The following PLEKHA7 variants were observed in gnomAD, a reference collection of about 807,000 sequenced individuals.
PLEKHA7 encodes the protein pleckstrin homology domain-containing family A member 7.
Under a neutral mutation model 170.0 loss-of-function variants are expected in PLEKHA7, and 104 were observed. That is an observed-to-expected ratio of 0.61 (90% confidence interval 0.52 to 0.72). The LOEUF is 0.72. Among genes scored for constraint, PLEKHA7 ranks in the 30% least tolerant of loss-of-function variants. PLEKHA7 has a pLI of 0.00. For missense variants in PLEKHA7, 1,615 were observed against 1,671.7 expected, an observed-to-expected ratio of 0.97 and a Z score of 0.59; for synonymous variants, 648 against 660.8, an observed-to-expected ratio of 0.98 and a Z score of 0.30.
chr11:16,907,130 C>G (rs1268677605), intron 3 of PLEKHA7, among the ~76,000 whole-genome samples: 1 of 89,708 alleles, frequency 1.1e-5, no homozygotes, highest in Non-Finnish European at 2.3e-5. Context: ...CAGCCCCCCG[C>G]CCGGCCAGCC....
intron 9 of PLEKHA7, among the ~76,000 whole-genome samples, chr11:16,830,152 ATT>A (rs61589645): frequency 1.4e-5 from 2 of 147,154 alleles, no homozygotes; most frequent in African/African-American, 5.0e-5. Context: ...CTAATTTTTA[ATT>A]TTTTTTTTTT....
At chr11:16,862,178 C>T (rs1313965916) in intron 4 of PLEKHA7, among the ~76,000 whole-genome samples, 3 of 152,170 alleles carry the variant, frequency 2.0e-5, no homozygotes, top group South Asian at 2.1e-4. Context: ...TTCTTGAACA[C>T]AGGCTGCAGT....
intron 10 of PLEKHA7, among the ~76,000 whole-genome samples, chr11:16,821,151 T>G (rs933906930): frequency 6.6e-6 from 1 of 152,206 alleles, no homozygotes; most frequent in Non-Finnish European, 1.5e-5. Flanking sequence ...GAAATGGTCA[T>G]GTGGAGATGC....
At chr11:16,802,005 C>T (rs1055895215) in intron 15 of PLEKHA7, among the ~76,000 whole-genome samples, 188 bp from the exon 16 acceptor site, 1 of 152,244 alleles carries the variant, frequency 6.6e-6, no homozygotes, top group East Asian at 1.9e-4. Context: ...GGGGAAAGTA[C>T]CTAACAGCTC....
intron 26 of PLEKHA7, among the ~76,000 whole-genome samples, chr11:16,780,456 T>C (rs1162264909): frequency 3.9e-5 from 6 of 152,248 alleles, no homozygotes; most frequent in Non-Finnish European, 5.9e-5. Context: ...CACCAATTCT[T>C]TGTGACCTGG....
At chr11:16,866,310 G>T (rs1206853185) in intron 4 of PLEKHA7, among the ~76,000 whole-genome samples, 2 of 152,094 alleles carry the variant, frequency 1.3e-5, no homozygotes, top group Non-Finnish European at 2.9e-5. Flanking sequence ...GGGCAGAGCA[G>T]GCTGGGCACA....
intron 3 of PLEKHA7, among the ~76,000 whole-genome samples, chr11:16,960,379 A>G (rs1021918608): frequency 1.3e-5 from 2 of 152,202 alleles, no homozygotes; most frequent in Non-Finnish European, 2.9e-5. Context: ...GAGATAAGCC[A>G]TCTAGATTCC....
chr11:16,863,628 G>A (rs425325), intron 4 of PLEKHA7, among the ~76,000 whole-genome samples: 13,651 of 152,192 alleles, frequency 0.09, 750 homozygotes, highest in East Asian at 0.16. Flanking sequence ...CACTGCTCGG[G>A]AACGCTTCTC....
In PLEKHA7 at chr11:16,817,888, C is replaced by T. The variant is rs986971850; in HGVS notation, c.1344-566G>A. On this transcript the variant is annotated intron_variant, in intron 10 of 26. Transcript: ENST00000531066. The surrounding 1 kb of genome is among the most constrained non-coding windows in gnomAD (Gnocchi z 4.4). ...TATCAGTTCCTTGCTGCAAAAACTT[C>T]CATGGCTCCTTGTCCCTTCTGAAAT... 1.3e-5 allele frequency among the ~76,000 whole-genome samples: 2 copies of T among 152,210 alleles called. No individual in the cohort carries two copies. Among genetic ancestry groups the T allele is most frequent in the African/African-American group, 4.8e-5 (2 of 41,444 alleles).
rs1439282094 is a variant in PLEKHA7 at position 16,887,981 on chromosome 11, T to C, written c.222-16799A>G. Among the ~76,000 whole-genome samples, 6 of 146,640 alleles carry C rather than the reference T, an allele frequency of 4.1e-5. No homozygotes were observed. The South Asian group carries it at 1.3e-3, about 33-fold the overall frequency. Reference sequence around the variant, plus strand: ...CTGCCCGGCCGCCCATCGTCTGAGATGTGGGGAGCACCTCTGCCCCGCCGC... The same window carrying C: ...CTGCCCGGCCGCCCATCGTCTGAGACGTGGGGAGCACCTCTGCCCCGCCGC... On this transcript the variant is annotated intron_variant, in intron 3 of 26. Coordinates refer to ENST00000531066, the MANE Select transcript of PLEKHA7 (RefSeq NM_001329630.2).
At chr11:16,920,879 C>T (rs964695030) in intron 3 of PLEKHA7, among the ~76,000 whole-genome samples, 2 of 152,212 alleles carry the variant, frequency 1.3e-5, no homozygotes, top group African/African-American at 4.8e-5. Flanking sequence ...TATTCCAAAC[C>T]AGACCTGTAT....
intron 3 of PLEKHA7, among the ~76,000 whole-genome samples, chr11:16,878,044 T>C (rs1855437599): frequency 1.3e-5 from 2 of 152,274 alleles, no homozygotes; most frequent in South Asian, 4.1e-4. Context: ...CCCCGCAAAC[T>C]CAATACTCCT....
At chr11:16,896,088 T>C (rs894059100) in intron 3 of PLEKHA7, among the ~76,000 whole-genome samples, 1 of 152,184 alleles carries the variant, frequency 6.6e-6, no homozygotes, top group Non-Finnish European at 1.5e-5. Context: ...TGCCCTGCCA[T>C]GGTTATGACC....
chr11:16,995,158 G>A (rs1365284855), intron 3 of PLEKHA7, among the ~76,000 whole-genome samples: 1 of 152,192 alleles, frequency 6.6e-6, no homozygotes, highest in East Asian at 1.9e-4. Context: ...ACAGGCTCCA[G>A]AGTACACAAC....
intron 3 of PLEKHA7, among the ~76,000 whole-genome samples, chr11:16,878,832 T>C (rs1050698938): frequency 5.3e-5 from 8 of 152,192 alleles, no homozygotes; most frequent in African/African-American, 1.2e-4. Flanking sequence ...AAGAACCTAA[T>C]GGTCATCAGC....
At chr11:17,008,596 T>C (rs148016394) in intron 3 of PLEKHA7, among the ~76,000 whole-genome samples, 3 of 152,298 alleles carry the variant, frequency 2.0e-5, no homozygotes, top group Admixed American at 6.5e-5. Context: ...AGAAAACTCA[T>C]TGGGTCTCTT....
chr11:16,816,798 A>G lies in PLEKHA7; in HGVS notation c.1866+2T>C. The stretch of plus-strand genomic sequence containing the variant: ...AGCCTGGCAGAGCTTCCCGAGCCTC[A>G]CCTTGACAGCGTGGCCCCGTGCCCT... On this transcript the variant is annotated splice_donor_variant, in intron 11 of 26. Coordinates refer to ENST00000531066, the MANE Select transcript of PLEKHA7 (RefSeq NM_001329630.2). LOFTEE classifies it high-confidence loss of function. 1 of 1,613,188 alleles carries G rather than the reference A, an allele frequency of 6.2e-7. No individual in the cohort carries two copies. The highest frequency in any genetic ancestry group is 8.5e-7 in the Non-Finnish European group (1 of 1,179,634).
At chr11:16,847,523 C>G (rs1852541960) in intron 8 of PLEKHA7, among the ~76,000 whole-genome samples, 1 of 142,682 alleles carries the variant, frequency 7.0e-6, no homozygotes, top group African/African-American at 2.5e-5. Context: ...AAGCTGGGGC[C>G]TCGTGAATCA....
intron 3 of PLEKHA7, among the ~76,000 whole-genome samples, chr11:16,886,668 G>A (rs540228960): frequency 7.1e-6 from 1 of 140,282 alleles, no homozygotes; most frequent in African/African-American, 2.7e-5. Context: ...TGGAGATCAC[G>A]CCACTGCACT....
Sources: gnomAD v4.1 joint callset for allele counts (sites outside exome capture counted in the v4.1 genomes callset) on GRCh38, gnomAD v4.1.1 for gene constraint, Gnocchi (gnomAD v3.1) non-coding constraint, MANE v1.5 for transcripts, NCBI Gene and HGNC (gene_info 2026-07-23, HGNC 2026-07-21) for gene names.